The following FRMPD4 variants were observed in gnomAD, a reference collection of about 807,000 sequenced individuals.
The protein encoded by FRMPD4 is FERM and PDZ domain-containing protein 4.
Under a neutral mutation model 94.1 loss-of-function variants are expected in FRMPD4, and 22 were observed. That is an observed-to-expected ratio of 0.23 (90% CI 0.17 to 0.33). FRMPD4 has a LOEUF of 0.33. Ranked by LOEUF, FRMPD4 falls within the 10% of genes least tolerant of loss-of-function variation. FRMPD4 has a pLI of 1.00. For missense variants in FRMPD4, 1,111 were observed against 1,339.9 expected, an observed-to-expected ratio of 0.83 and a Z score of 2.67; for synonymous variants, 631 against 548.6, an observed-to-expected ratio of 1.15 and a Z score of -2.10.
intron 1 of FRMPD4, among the ~76,000 whole-genome samples, chrX:12,472,989 G>A (rs1335129514): frequency 1.8e-5 from 2 of 108,911 alleles, no homozygotes; most frequent in Admixed American, 9.7e-5. Context: ...CTCGAGAAGA[G>A]CAACTCCAAG....
intron 1 of FRMPD4, among the ~76,000 whole-genome samples, chrX:12,166,868 G>A (rs2056128894): frequency 9.0e-6 from 1 of 111,600 alleles, no homozygotes; most frequent in Non-Finnish European, 1.9e-5. Flanking sequence ...CCTGATGGTA[G>A]TTTGTATTTC....
At chrX:12,441,441 G>GT (rs911060033) in intron 1 of FRMPD4, among the ~76,000 whole-genome samples, 11 of 111,070 alleles carry the variant, frequency 9.9e-5, no homozygotes, top group East Asian at 2.8e-4. Context: ...TCATTTGTTT[G>GT]TTTTTTTTCC....
intron 4 of FRMPD4, among the ~76,000 whole-genome samples, chrX:12,628,031 G>A (rs1391428262): frequency 3.6e-5 from 4 of 111,001 alleles, no homozygotes; most frequent in Non-Finnish European, 5.7e-5. Flanking sequence ...AACATGCCCA[G>A]AACCAAAGTA....
chrX:11,921,138 G>A (rs2054053634), intron 3 of FRMPD4, among the ~76,000 whole-genome samples: 1 of 111,968 alleles, frequency 8.9e-6, no homozygotes, highest in Non-Finnish European at 1.9e-5. Context: ...TAGTCAACTT[G>A]GGCTGTCGTA....
In FRMPD4 at chrX:12,618,905, G is replaced by A. The variant is rs978479859; in HGVS notation, c.422+4024G>A. Among the ~76,000 whole-genome samples the A allele has an allele frequency of 2.7e-5, 3 of 111,466 alleles. No individual in the cohort carries two copies. The Admixed American group carries it at 2.9e-4, about 11-fold the overall frequency. Reference sequence around the variant, plus strand: ...AAGTTAGTCCCAGTTTTAGAGCCGGGGCAGCAGACTCTAAGAATGCTGTCT... The same window carrying A: ...AAGTTAGTCCCAGTTTTAGAGCCGGAGCAGCAGACTCTAAGAATGCTGTCT... On this transcript the variant is annotated intron_variant, in intron 4 of 16. Transcript: ENST00000675598.
Position 12,718,660 on chromosome X carries a change from G to A in FRMPD4, c.3834G>A (p.Leu1278=), listed in dbSNP as rs866369134. 15 of 1,208,345 alleles carry A rather than the reference G, an allele frequency of 1.2e-5. No individual in the cohort carries two copies. The Middle Eastern group carries it at 2.5e-3, about 204-fold the overall frequency. The change falls in exon 16 of 17, where the codon CTG becomes CTA. Residue 1278 remains leucine (L), a synonymous_variant. Transcript: ENST00000675598. ...LPNHGATFKE[L]HPQTEGMCPR... Reference sequence around the variant, plus strand: ...ACCACGGAGCCACCTTTAAGGAACTGCACCCACAGACAGAAGGGATGTGTC... The same window carrying A: ...ACCACGGAGCCACCTTTAAGGAACTACACCCACAGACAGAAGGGATGTGTC...
intron 3 of FRMPD4, among the ~76,000 whole-genome samples, chrX:12,114,758 C>T (rs1224282901): frequency 1.8e-5 from 2 of 112,049 alleles, no homozygotes; most frequent in Non-Finnish European, 3.8e-5. Context: ...CCTTTTTAAC[C>T]GTCTTTAAAA....
intron 1 of FRMPD4, among the ~76,000 whole-genome samples, chrX:12,467,855 G>T (rs1192919291): frequency 9.0e-6 from 1 of 111,474 alleles, no homozygotes; most frequent in Non-Finnish European, 1.9e-5. Context: ...TGTGAATGAA[G>T]GGTTTAAATT....
intron 3 of FRMPD4, among the ~76,000 whole-genome samples, chrX:11,911,994 T>G (rs188211731): frequency 0.032 from 3,521 of 111,414 alleles, 79 homozygotes; most frequent in African/African-American, 0.076. Context: ...TTTAATTGAC[T>G]GGCTGGTTAT....
chrX:12,347,157 A>T (rs952653723), intron 1 of FRMPD4, among the ~76,000 whole-genome samples: 1 of 111,977 alleles, frequency 8.9e-6, no homozygotes, highest in Non-Finnish European at 1.9e-5. Context: ...AATATTTTAT[A>T]TATTTAATAT....
intron 1 of FRMPD4, among the ~76,000 whole-genome samples, chrX:12,308,606 TTCCTGATGAAGCG>T (rs1186429348): frequency 3.6e-5 from 4 of 111,283 alleles, no homozygotes; most frequent in Non-Finnish European, 7.5e-5. Context: ...AGTTTGGAGT[TTCCTGATGAAGCG>T]TGCCACAACA....
rs182220990 is a variant in FRMPD4, at chrX:12,210,494, C to T, written c.41+71482C>T. ...CTGCCTTCCTTTTCCTGGGAACCTG[C>T]CTTCAGCAGCATCTCCCCTGATGAG... is the stretch of plus-strand genomic sequence containing the variant. On this transcript the variant is annotated intron_variant, in intron 1 of 16. Coordinates refer to ENST00000675598, the MANE Select transcript of FRMPD4 (RefSeq NM_001368397.1). Among the ~76,000 whole-genome samples the T allele has an allele frequency of 2.3e-3, 253 of 111,861 alleles. 1 individual carries two copies. The highest frequency in any genetic ancestry group is 4.6e-3 in the Middle Eastern group (1 of 217).
upstream of FRMPD4, chrX:12,138,452 T>G: frequency 7.7e-6 from 1 of 130,059 alleles, no homozygotes; most frequent in Non-Finnish European, 1.5e-5. Flanking sequence ...GGACTCGGCT[T>G]GGAGAAGGAG....
chrX:12,258,951 C>G (rs1361417012), intron 1 of FRMPD4, among the ~76,000 whole-genome samples: 1 of 111,859 alleles, frequency 8.9e-6, no homozygotes, highest in Non-Finnish European at 1.9e-5. Flanking sequence ...CAACCAACCT[C>G]TCTTCATTTC....
intron 1 of FRMPD4, among the ~76,000 whole-genome samples, chrX:12,468,036 T>C (rs992410937): frequency 1.8e-5 from 2 of 112,191 alleles, no homozygotes; most frequent in African/African-American, 6.5e-5. Context: ...CAAATGACAA[T>C]CAAATCTAAA....
intron 1 of FRMPD4, among the ~76,000 whole-genome samples, chrX:11,846,481 A>G (rs2147284738): frequency 9.1e-6 from 1 of 110,134 alleles, no homozygotes; most frequent in African/African-American, 3.3e-5. Flanking sequence ...ATTCAATGCC[A>G]TCCCCATCAA....
chrX:12,489,491 G>A (rs2148208691), intron 1 of FRMPD4, among the ~76,000 whole-genome samples: 1 of 112,394 alleles, frequency 8.9e-6, no homozygotes, highest in South Asian at 3.7e-4. Flanking sequence ...TAAGTGAAAT[G>A]TGAAGATGAA....
intron 1 of FRMPD4, among the ~76,000 whole-genome samples, chrX:12,445,698 C>A (rs1221088388): frequency 8.9e-6 from 1 of 112,510 alleles, no homozygotes; most frequent in African/African-American, 3.2e-5. Context: ...GAAGTTGAAG[C>A]AAAGTCTGTG....
chrX:12,205,819 A>C (rs2056685980), intron 1 of FRMPD4, among the ~76,000 whole-genome samples: 1 of 112,253 alleles, frequency 8.9e-6, no homozygotes, highest in South Asian at 3.7e-4. Context: ...GTATTCAGCA[A>C]ATAAGGATTG....
Sources: gnomAD v4.1 joint callset for allele counts (sites outside exome capture counted in the v4.1 genomes callset) on GRCh38, gnomAD v4.1.1 for gene constraint, MANE v1.5 for transcripts, NCBI Gene and HGNC (gene_info 2026-07-23, HGNC 2026-07-21) for gene names.